The following PRKG1 variants were observed in gnomAD, a reference collection of about 807,000 sequenced individuals.
PRKG1 encodes cGMP-dependent protein kinase 1.
In PRKG1, 35 loss-of-function variants were observed where a neutral mutation model predicts 88.1. That is an observed-to-expected ratio of 0.40 (90% CI 0.30 to 0.53). The LOEUF (loss-of-function observed/expected upper bound fraction) is 0.53, where lower values mean the gene tolerates loss of function less well. PRKG1 is among the 20% of genes least tolerant of loss of function. The pLI is 0.59. For synonymous variants in PRKG1, 303 were observed against 292.5 expected, an observed-to-expected ratio of 1.04 and a Z score of -0.37; for missense variants, 540 against 839.8, an observed-to-expected ratio of 0.64 and a Z score of 4.41.
intron 17 of PRKG1, among the ~76,000 whole-genome samples, chr10:52,293,558 A>T (rs1027938921): frequency 6.6e-6 from 1 of 152,254 alleles, no homozygotes; most frequent in East Asian, 1.9e-4. Flanking sequence ...AGTTTATTAT[A>T]TAGAAAGATT....
chr10:52,268,711 C>G (rs769203100), intron 10 of PRKG1, among the ~76,000 whole-genome samples: 1 of 151,934 alleles, frequency 6.6e-6, no homozygotes, highest in African/African-American at 2.4e-5. Context: ...GAACATGAAT[C>G]CATTTCTGCC....
chr10:51,814,960 G>A (rs1272019434), intron 4 of PRKG1, among the ~76,000 whole-genome samples: 1 of 152,094 alleles, frequency 6.6e-6, no homozygotes, highest in African/African-American at 2.4e-5. Flanking sequence ...ACTTGAGTCA[G>A]TAATGAATCT....
intron 9 of PRKG1, among the ~76,000 whole-genome samples, chr10:52,208,211 A>T (rs974464092): frequency 1.3e-5 from 2 of 152,298 alleles, no homozygotes; most frequent in Non-Finnish European, 2.9e-5. Context: ...TTCTTGAATC[A>T]CTTTGAATGT....
rs1270920390 is a variant in PRKG1 at position 51,275,437 on chromosome 10, AT to A, written c.478+122108del. The stretch of plus-strand genomic sequence containing the variant: ...GAAAATCCTAATTTTTCTTTGGAAA[AT>A]GTCTTTGCACATCATTTCATAATGT... On this transcript the variant is annotated intron_variant, in intron 2 of 17. Coordinates refer to ENST00000373980, the MANE Select transcript of PRKG1 (RefSeq NM_006258.4). Among the ~76,000 whole-genome samples the A allele has an allele frequency of 3.3e-5, 5 of 152,198 alleles. No homozygotes were observed. In the East Asian group the frequency reaches 9.6e-4, roughly 29 times the overall value.
intron 3 of PRKG1, among the ~76,000 whole-genome samples, chr10:51,774,589 AT>A (rs1382830934): frequency 6.6e-6 from 1 of 152,084 alleles, no homozygotes; most frequent in Non-Finnish European, 1.5e-5. Flanking sequence ...TTTAATTGTT[AT>A]TGCAAGTAGG....
intron 11 of PRKG1, 82 bp downstream of exon 11, chr10:52,271,571 T>C (rs1841731757): frequency 7.0e-7 from 1 of 1,424,700 alleles, no homozygotes; most frequent in Non-Finnish European, 9.4e-7. Context: ...TTGTGCTCAC[T>C]GTTAACACAT....
chr10:52,166,819 G>GTATATATATATATGTATATATATA (rs370403466), intron 9 of PRKG1, among the ~76,000 whole-genome samples: 2 of 55,314 alleles, frequency 3.6e-5, no homozygotes, highest in Non-Finnish European at 4.1e-5. Context: ...GTATATATAT[G>GTATATATATATATGTATATATATA]TATATATATG....
intron 3 of PRKG1, among the ~76,000 whole-genome samples, chr10:51,624,833 C>G (rs79520705): frequency 6.6e-6 from 1 of 152,156 alleles, no homozygotes; most frequent in Non-Finnish European, 1.5e-5. Flanking sequence ...ACCACACAAT[C>G]TCACTCATAT....
At chr10:51,223,946 G>T (rs929489337) in intron 2 of PRKG1, among the ~76,000 whole-genome samples, 1 of 152,138 alleles carries the variant, frequency 6.6e-6, no homozygotes, top group East Asian at 1.9e-4. Flanking sequence ...CTAAGGGAAA[G>T]TGTGCTTTGA....
At chr10:52,094,325 A>G (rs1847124789) in intron 7 of PRKG1, among the ~76,000 whole-genome samples, 1 of 152,124 alleles carries the variant, frequency 6.6e-6, no homozygotes, top group African/African-American at 2.4e-5. Flanking sequence ...TAATACTGCT[A>G]ATACATTTCC....
intron 9 of PRKG1, among the ~76,000 whole-genome samples, chr10:52,190,479 A>G (rs1342012717): frequency 6.6e-6 from 1 of 152,126 alleles, no homozygotes; most frequent in Non-Finnish European, 1.5e-5. Flanking sequence ...AATGGGTAAC[A>G]CTTGTTGGGC....
chr10:51,375,807 C>A (rs1842806401), intron 2 of PRKG1, among the ~76,000 whole-genome samples: 1 of 151,754 alleles, frequency 6.6e-6, no homozygotes, highest in Non-Finnish European at 1.5e-5. Context: ...TTATCAGTGG[C>A]CTGAAGGACG....
At chr10:51,032,830 T>C (rs1433733947) in intron 1 of PRKG1, among the ~76,000 whole-genome samples, 1 of 152,164 alleles carries the variant, frequency 6.6e-6, no homozygotes, top group Non-Finnish European at 1.5e-5. Flanking sequence ...AGCTTTCTTA[T>C]TGAAATTTTT....
At chr10:51,677,631 A>G (rs909675461) in intron 3 of PRKG1, among the ~76,000 whole-genome samples, 2 of 152,214 alleles carry the variant, frequency 1.3e-5, no homozygotes, top group Non-Finnish European at 2.9e-5. Flanking sequence ...AGACTCATAA[A>G]GCACTGTCTG....
chr10:51,134,162 A>G (rs981778030), intron 1 of PRKG1, among the ~76,000 whole-genome samples: 1 of 152,224 alleles, frequency 6.6e-6, no homozygotes, highest in African/African-American at 2.4e-5. Context: ...TTAGAGGTCT[A>G]ACAACTATTT....
chr10:51,321,920 A>C lies in PRKG1; in HGVS notation c.479-145803A>C, dbSNP rs911320218. On this transcript the variant is annotated intron_variant, in intron 2 of 17. Coordinates refer to ENST00000373980, the MANE Select transcript of PRKG1 (RefSeq NM_006258.4). ...CCCTCAAAAATTAAAAATTAAAAAA[A>C]TAAATGCTAGTAAACCACAGATGGT... 2.2e-4 allele frequency among the ~76,000 whole-genome samples: 33 copies of C among 152,240 alleles called. 1 individual carries two copies. Among genetic ancestry groups the C allele is most frequent in the Non-Finnish European group, 5.9e-5 (4 of 68,038 alleles).
chr10:51,555,071 T>C (rs558833958), intron 3 of PRKG1, among the ~76,000 whole-genome samples: 2 of 152,028 alleles, frequency 1.3e-5, no homozygotes, highest in Admixed American at 1.3e-4. Flanking sequence ...AAGTTATGAA[T>C]CTTTTCTTTT....
intron 1 of PRKG1, among the ~76,000 whole-genome samples, chr10:51,015,597 A>G (rs1843047251): frequency 6.6e-6 from 1 of 152,190 alleles, no homozygotes; most frequent in Non-Finnish European, 1.5e-5. Context: ...ATAGAAATGC[A>G]TAGAGGAGGC....
intron 7 of PRKG1, among the ~76,000 whole-genome samples, chr10:52,095,889 G>A (rs1337471555): frequency 6.6e-6 from 1 of 152,182 alleles, no homozygotes; most frequent in Non-Finnish European, 1.5e-5. Context: ...TGATACGTTA[G>A]TGATATGTTA....
Sources: gnomAD v4.1 joint callset for allele counts (sites outside exome capture counted in the v4.1 genomes callset) on GRCh38, gnomAD v4.1.1 for gene constraint, MANE v1.5 for transcripts, NCBI Gene and HGNC (gene_info 2026-07-23, HGNC 2026-07-21) for gene names.